Variants in PLPP4 observed in about 807,000 individuals in gnomAD.
The protein encoded by PLPP4 is phospholipid phosphatase 4, also known as diacylglycerol pyrophosphate like 2.
PLPP4 carries 20 observed loss-of-function variants against 32.2 expected under a neutral mutation model. The observed-to-expected ratio is 0.62, with a 90% CI of 0.44 to 0.90. The LOEUF (loss-of-function observed/expected upper bound fraction) is 0.90, where lower values mean the gene tolerates loss of function less well. Ranked by LOEUF, PLPP4 falls within the 40% of genes least tolerant of loss-of-function variation. The pLI is 0.00. For missense variants in PLPP4, 257 were observed against 353.1 expected (o/e 0.73, Z 2.18); for synonymous variants, 127 against 133.0 (o/e 0.95, Z 0.31).
intron 6 of PLPP4, chr10:120,587,641 C>T (rs1252228667): frequency 2.6e-5 from 4 of 152,144 alleles, no homozygotes; most frequent in East Asian, 1.9e-4. Context: ...AAAATTATCC[C>T]GTTAGATCTA....
chr10:120,543,507 A>C (rs946391082), intron 5 of PLPP4, among the ~76,000 whole-genome samples: 2 of 152,122 alleles, frequency 1.3e-5, no homozygotes, highest in African/African-American at 2.4e-5. Context: ...TTAAAAAAAA[A>C]ACACACTCAG....
chr10:120,528,123 G>A (rs1163632261), intron 5 of PLPP4, among the ~76,000 whole-genome samples: 2 of 122,432 alleles, frequency 1.6e-5, no homozygotes, highest in African/African-American at 6.3e-5. Context: ...CGCCCAGGCT[G>A]GAGTGCAGCG....
chr10:120,534,137 GA>G (rs1033880483), intron 5 of PLPP4, among the ~76,000 whole-genome samples: 1 of 152,030 alleles, frequency 6.6e-6, no homozygotes, highest in African/African-American at 2.4e-5. Flanking sequence ...TATTTTTTGT[GA>G]GGGGGGTCTG....
chr10:120,576,568 G>C (rs1485560998), intron 6 of PLPP4, among the ~76,000 whole-genome samples: 1 of 152,184 alleles, frequency 6.6e-6, no homozygotes, highest in East Asian at 1.9e-4. Context: ...TCCTCCTGGA[G>C]CTCATGCTCT....
rs141374666 is a variant in PLPP4, at chr10:120,508,436, C to A, written c.165+4510C>A. On this transcript the variant is annotated intron_variant, in intron 2 of 6. Coordinates refer to ENST00000398250, the MANE Select transcript of PLPP4 (RefSeq NM_001030059.3). ...TTTTGTTTTGTCTGTTGTGAATAAA[C>A]CCCAGTGACAAGCTCCTCTCTGGCT... Among the ~76,000 whole-genome samples, 63 of 152,274 alleles carry A rather than the reference C, an allele frequency of 4.1e-4. No individual in the cohort carries two copies. The East Asian group carries it at 0.012, about 28-fold the overall frequency.
chr10:120,535,998 A>G, intron 5 of PLPP4, among the ~76,000 whole-genome samples: 1 of 152,152 alleles, frequency 6.6e-6, no homozygotes, highest in Non-Finnish European at 1.5e-5. Flanking sequence ...TGTAATGGAC[A>G]TCTTTTGGGA....
In PLPP4 at chr10:120,493,899, A is replaced by G. The variant is rs375011468; in HGVS notation, c.57-9919A>G. 1.1e-4 allele frequency among the ~76,000 whole-genome samples: 17 copies of G among 152,252 alleles called. No homozygotes were observed. In the South Asian group the frequency reaches 3.5e-3, roughly 32 times the overall value. ...GACACAAGGAACAGAGTGAACAGCC[A>G]GGGACTATGGGAGGCAGGCTTTGTA... On this transcript the variant is annotated intron_variant, in intron 1 of 6. Transcript: ENST00000398250.
intron 1 of PLPP4, among the ~76,000 whole-genome samples, chr10:120,488,211 C>T (rs75779253): frequency 0.06 from 9,188 of 152,200 alleles, 342 homozygotes; most frequent in South Asian, 0.11. Flanking sequence ...TGCCAGCCCC[C>T]CTTGAGTGGT....
intron 1 of PLPP4, among the ~76,000 whole-genome samples, chr10:120,470,787 A>G (rs1197941086): frequency 1.3e-5 from 2 of 151,554 alleles, no homozygotes; most frequent in Admixed American, 6.6e-5. Flanking sequence ...TACTCACCCC[A>G]CTCCACCCAC....
chr10:120,469,335 C>A (rs1289259828), intron 1 of PLPP4, among the ~76,000 whole-genome samples: 1 of 151,222 alleles, frequency 6.6e-6, no homozygotes, highest in African/African-American at 2.4e-5. Context: ...TCACACCATT[C>A]TCCTGCCTCA....
At chr10:120,547,406 T>A (rs749457703) in intron 5 of PLPP4, among the ~76,000 whole-genome samples, 7 of 152,190 alleles carry the variant, frequency 4.6e-5, no homozygotes, top group Non-Finnish European at 7.4e-5. Context: ...ATTAATCACA[T>A]TTTTGAAGTG....
At chr10:120,538,253 C>T (rs1324799376) in intron 5 of PLPP4, among the ~76,000 whole-genome samples, 1 of 151,028 alleles carries the variant, frequency 6.6e-6, no homozygotes, top group Non-Finnish European at 1.5e-5. Flanking sequence ...GGCTGCCTCT[C>T]TTGGCATCTC....
chr10:120,579,517 C>A (rs550361634), intron 6 of PLPP4, among the ~76,000 whole-genome samples: 5 of 152,114 alleles, frequency 3.3e-5, no homozygotes, highest in Non-Finnish European at 5.9e-5. Flanking sequence ...AGATTACTGA[C>A]CCTGCAAATG....
chr10:120,552,461 A>T (rs1404637604), intron 5 of PLPP4, among the ~76,000 whole-genome samples: 1 of 152,102 alleles, frequency 6.6e-6, no homozygotes, highest in Non-Finnish European at 1.5e-5. Flanking sequence ...TTTGATTCTA[A>T]TTCTTTTTGA....
At chr10:120,518,783 GATTTAAGAGCCAGCTTGCT>G (rs1564810762) in intron 3 of PLPP4, 31 bp from the exon 4 acceptor site, 4 of 1,458,828 alleles carry the variant, frequency 2.7e-6, no homozygotes, top group Admixed American at 1.7e-5. Context: ...TGATGATTTT[GATTTAAGAGCCAGCTTGCT>G]ATTTTTCTGT....
At chr10:120,568,823 C>T (rs1221592390) in intron 5 of PLPP4, among the ~76,000 whole-genome samples, 5 of 152,182 alleles carry the variant, frequency 3.3e-5, no homozygotes, top group African/African-American at 1.2e-4. Flanking sequence ...CACTTCCCAT[C>T]CTTGTGACTG....
intron 5 of PLPP4, among the ~76,000 whole-genome samples, chr10:120,566,685 G>C (rs1192855391): frequency 6.6e-6 from 1 of 151,582 alleles, no homozygotes; most frequent in East Asian, 1.9e-4. Flanking sequence ...CTCCTGAGTA[G>C]CTAGGATTAC....
intron 1 of PLPP4, among the ~76,000 whole-genome samples, chr10:120,488,829 T>C (rs1044256981): frequency 8.5e-5 from 13 of 152,184 alleles, no homozygotes; most frequent in African/African-American, 3.1e-4. Context: ...CCCAGGATTA[T>C]GGTTAGAAGT....
At chr10:120,539,101 G>A (rs1252733786) in intron 5 of PLPP4, among the ~76,000 whole-genome samples, 4 of 152,134 alleles carry the variant, frequency 2.6e-5, no homozygotes, top group Middle Eastern at 3.4e-3. Flanking sequence ...CCCTTACTAC[G>A]TCCCTGCACA....
Sources: gnomAD v4.1 joint callset for allele counts (sites outside exome capture counted in the v4.1 genomes callset) on GRCh38, gnomAD v4.1.1 for gene constraint, MANE v1.5 for transcripts, NCBI Gene and HGNC (gene_info 2026-07-23, HGNC 2026-07-21) for gene names.